The following GRIK1 variants were observed in gnomAD, a reference collection of about 807,000 sequenced individuals.
The protein encoded by GRIK1 is glutamate receptor ionotropic, kainate 1.
GRIK1 carries 69 observed loss-of-function variants against 105.7 expected under a neutral mutation model. That is an observed-to-expected ratio of 0.65 (90% CI 0.54 to 0.80). The LOEUF is 0.80. Ranked by LOEUF, GRIK1 falls within the 30% of genes least tolerant of loss-of-function variation. The pLI, the probability that GRIK1 is intolerant of heterozygous loss-of-function variation, is 0.00. For missense variants in GRIK1, 1,109 were observed against 1,167.3 expected (o/e 0.95, Z 0.73); for synonymous variants, 438 against 431.3 (o/e 1.02, Z -0.19).
rs566717490 is a variant in GRIK1, at chr21:29,835,615, G to T, written c.118+103768C>A. Among the ~76,000 whole-genome samples, 570 of 152,282 alleles carry T rather than the reference G, an allele frequency of 3.7e-3. 4 individuals are homozygous for T. Among genetic ancestry groups the T allele is most frequent in the Non-Finnish European group, 7.1e-3 (480 of 68,024 alleles). Reference sequence around the variant, plus strand: ...ACATTTTAGGGTATTAAAACAGTCAGTGCAGGGAGGAATTCTGGGGCTTCA... The same window carrying T: ...ACATTTTAGGGTATTAAAACAGTCATTGCAGGGAGGAATTCTGGGGCTTCA... On this transcript the variant is annotated intron_variant, in intron 1 of 17. Coordinates refer to ENST00000327783, the MANE Select transcript of GRIK1 (RefSeq NM_001330994.2).
At chr21:29,754,624 G>C (rs977351745) in intron 1 of GRIK1, among the ~76,000 whole-genome samples, 1 of 152,142 alleles carries the variant, frequency 6.6e-6, no homozygotes, top group Non-Finnish European at 1.5e-5. Context: ...ACTTGACCAG[G>C]CGACAGTACC....
chr21:29,821,802 T>A (rs1281979236), intron 1 of GRIK1, among the ~76,000 whole-genome samples: 1 of 152,048 alleles, frequency 6.6e-6, no homozygotes, highest in African/African-American at 2.4e-5. Context: ...TGTATATAGT[T>A]TATGGTTGTA....
intron 1 of GRIK1, among the ~76,000 whole-genome samples, chr21:29,738,571 A>G (rs1359288385): frequency 1.3e-5 from 2 of 152,252 alleles, no homozygotes; most frequent in Non-Finnish European, 2.9e-5. Context: ...AATTGTATGG[A>G]AACAATAAAT....
At chr21:29,579,078 G>T (rs1264790985) in intron 13 of GRIK1, among the ~76,000 whole-genome samples, 2 of 152,052 alleles carry the variant, frequency 1.3e-5, no homozygotes, top group Non-Finnish European at 2.9e-5. Context: ...TGAACAACAG[G>T]CTGTTGACAT....
At chr21:29,733,590 A>G (rs2064695645) in intron 1 of GRIK1, among the ~76,000 whole-genome samples, 1 of 152,152 alleles carries the variant, frequency 6.6e-6, no homozygotes, top group South Asian at 2.1e-4. Context: ...TCATTAAACT[A>G]AAACCTCTTT....
At chr21:29,798,818 G>T (rs1222226681) in intron 1 of GRIK1, among the ~76,000 whole-genome samples, 1 of 152,166 alleles carries the variant, frequency 6.6e-6, no homozygotes, top group Non-Finnish European at 1.5e-5. Context: ...TTAAACATTG[G>T]TGGGTTAAAA....
Position 29,683,174 on chromosome 21 carries a change from G to A in GRIK1, c.544+6554C>T, listed in dbSNP as rs565699684. Among the ~76,000 whole-genome samples, 19 of 152,342 alleles carry A rather than the reference G, an allele frequency of 1.2e-4. 1 individual carries two copies. In the South Asian group the frequency reaches 1.4e-3, roughly 12 times the overall value. On this transcript the variant is annotated intron_variant, in intron 3 of 17. Coordinates refer to ENST00000327783, the MANE Select transcript of GRIK1 (RefSeq NM_001330994.2). The stretch of plus-strand genomic sequence containing the variant: ...GGTGAAAAGGGAACACTTATACACT[G>A]TTGGTGGGAGTTTAAATTAGTTCAG...
intron 9 of GRIK1, among the ~76,000 whole-genome samples, chr21:29,595,076 A>G (rs2061385261): frequency 6.6e-6 from 1 of 152,138 alleles, no homozygotes; most frequent in African/African-American, 2.4e-5. Context: ...CGGAGTTATA[A>G]CACAAAACAG....
chr21:29,576,539 G>A (rs1464842039), intron 14 of GRIK1, among the ~76,000 whole-genome samples: 3 of 152,026 alleles, frequency 2.0e-5, no homozygotes, highest in Non-Finnish European at 4.4e-5. Flanking sequence ...ATCAAGTACA[G>A]GACCGAAAGA....
chr21:29,687,536 C>A (rs2063507698), intron 3 of GRIK1, among the ~76,000 whole-genome samples: 1 of 152,106 alleles, frequency 6.6e-6, no homozygotes, highest in Non-Finnish European at 1.5e-5. Context: ...ATCATTTTAA[C>A]TTGAATCATC....
At chr21:29,722,943 A>T (rs2064358794) in intron 1 of GRIK1, among the ~76,000 whole-genome samples, 1 of 152,242 alleles carries the variant, frequency 6.6e-6, no homozygotes. Flanking sequence ...TGATCATAGA[A>T]GATTTGTAAT....
At chr21:29,932,766 C>G (rs2071612058) in intron 1 of GRIK1, among the ~76,000 whole-genome samples, 1 of 151,654 alleles carries the variant, frequency 6.6e-6, no homozygotes, top group Non-Finnish European at 1.5e-5. Flanking sequence ...GAAAATTTGT[C>G]ATTTAAAAAA....
At chr21:29,905,425 A>G (rs2070577514) in intron 1 of GRIK1, among the ~76,000 whole-genome samples, 1 of 142,972 alleles carries the variant, frequency 7.0e-6, no homozygotes, top group South Asian at 2.3e-4. Context: ...TTTTTATATT[A>G]TATATATTTT....
intron 1 of GRIK1, among the ~76,000 whole-genome samples, chr21:29,700,694 A>G (rs931804004): frequency 1.3e-5 from 2 of 152,268 alleles, no homozygotes; most frequent in Non-Finnish European, 2.9e-5. Flanking sequence ...TCAGTGTAAC[A>G]TGGTGGAAAT....
chr21:29,645,558 A>G (rs1382517593), intron 6 of GRIK1, among the ~76,000 whole-genome samples: 1 of 152,206 alleles, frequency 6.6e-6, no homozygotes, highest in Admixed American at 6.5e-5. Flanking sequence ...CCTTCAACCC[A>G]AAGAAGAAAA....
chr21:29,564,397 T>G (rs904328595), intron 14 of GRIK1, among the ~76,000 whole-genome samples: 1 of 152,200 alleles, frequency 6.6e-6, no homozygotes, highest in African/African-American at 2.4e-5. Flanking sequence ...TCCGCCCGCC[T>G]CGGCCTCCCA....
At chr21:29,831,461 A>G (rs890184180) in intron 1 of GRIK1, among the ~76,000 whole-genome samples, 1 of 152,230 alleles carries the variant, frequency 6.6e-6, no homozygotes, top group African/African-American at 2.4e-5. Context: ...TTTATAAAGA[A>G]AAAAGGCTTA....
intron 15 of GRIK1, among the ~76,000 whole-genome samples, chr21:29,561,363 G>A (rs530266215): frequency 1.5e-4 from 23 of 152,232 alleles, no homozygotes; most frequent in African/African-American, 5.3e-4. Flanking sequence ...TATTTGGGGT[G>A]AAATAATAAA....
chr21:29,905,188 G>A (rs527693076), intron 1 of GRIK1, among the ~76,000 whole-genome samples: 4 of 152,186 alleles, frequency 2.6e-5, no homozygotes, highest in South Asian at 2.1e-4. Context: ...CCAAATTTTG[G>A]CTCCTTCCTT....
Sources: allele counts gnomAD v4.1 joint callset (sites outside exome capture counted in the v4.1 genomes callset), GRCh38; gene constraint gnomAD v4.1.1; transcripts MANE v1.5; gene names NCBI Gene and HGNC (gene_info 2026-07-23, HGNC 2026-07-21).